The following CSMD1 variants were observed in gnomAD, a reference collection of about 807,000 sequenced individuals.
CSMD1 encodes the protein CUB and sushi domain-containing protein 1.
In CSMD1, 213 loss-of-function variants were observed where a neutral mutation model predicts 417.5. That is an observed-to-expected ratio of 0.51 (90% CI 0.46 to 0.57). The LOEUF (loss-of-function observed/expected upper bound fraction) is 0.57, where lower values mean the gene tolerates loss of function less well. CSMD1 is among the 20% of genes least tolerant of loss of function. CSMD1 has a pLI of 0.00. For synonymous variants in CSMD1, 2,862 were observed against 1,736.8 expected (o/e 1.65, Z -16.11); for missense variants, 6,923 against 4,529.7 (o/e 1.53, Z -15.17).
chr8:3,382,101 A>G (rs1466550424), intron 18 of CSMD1, among the ~76,000 whole-genome samples: 1 of 152,080 alleles, frequency 6.6e-6, no homozygotes, highest in Non-Finnish European at 1.5e-5. Flanking sequence ...CTACTAAAAA[A>G]TACAAAAATT....
At chr8:4,753,306 T>C (rs1811457990) in intron 1 of CSMD1, among the ~76,000 whole-genome samples, 1 of 152,028 alleles carries the variant, frequency 6.6e-6, no homozygotes, top group Admixed American at 6.6e-5. Context: ...TTGGAATACA[T>C]TTAAATGACC....
chr8:3,395,303 C>A (rs964745512), intron 17 of CSMD1, among the ~76,000 whole-genome samples: 1 of 152,250 alleles, frequency 6.6e-6, no homozygotes, highest in South Asian at 2.1e-4. Flanking sequence ...ATAGTAATTG[C>A]CACTTTTTCT....
rs963681086 is a variant in CSMD1 at position 4,543,243 on chromosome 8, G to A, written c.302+94099C>T. ...ACAAAGTCATGCATCCACCATTACA[G>A]AATCACATCTGACGGTGTGGACTGC... On this transcript the variant is annotated intron_variant, in intron 2 of 69. Transcript: ENST00000635120. Among the ~76,000 whole-genome samples, 4 of 152,122 alleles carry A rather than the reference G, an allele frequency of 2.6e-5. No individual in the cohort carries two copies. In the South Asian group the frequency reaches 6.2e-4, roughly 24 times the overall value.
At chr8:3,512,913 G>A (rs566694651) in intron 10 of CSMD1, among the ~76,000 whole-genome samples, 25 of 152,072 alleles carry the variant, frequency 1.6e-4, no homozygotes, top group Admixed American at 3.3e-4. Context: ...GGAGGAAGAT[G>A]TAACACGTGG....
At chr8:4,182,255 T>C (rs1798422128) in intron 3 of CSMD1, among the ~76,000 whole-genome samples, 2 of 152,146 alleles carry the variant, frequency 1.3e-5, no homozygotes, top group Admixed American at 6.6e-5. Context: ...GGAATATATC[T>C]AGATTATCGT....
intron 36 of CSMD1, among the ~76,000 whole-genome samples, chr8:3,184,614 C>G (rs1821631052): frequency 6.6e-6 from 1 of 152,186 alleles, no homozygotes; most frequent in Admixed American, 6.5e-5. Context: ...TTAAATAATG[C>G]TTGCACATTT....
At chr8:3,571,525 C>G (rs1003562048) in intron 10 of CSMD1, among the ~76,000 whole-genome samples, 2 of 152,088 alleles carry the variant, frequency 1.3e-5, no homozygotes, top group South Asian at 2.1e-4. Flanking sequence ...GCTCACCTGC[C>G]TCGAGTTTGA....
intron 6 of CSMD1, among the ~76,000 whole-genome samples, chr8:3,711,483 T>C (rs147403650): frequency 6.6e-6 from 1 of 152,194 alleles, no homozygotes; most frequent in South Asian, 2.1e-4. Context: ...CGCTGGTTCA[T>C]GAACGTCCTG....
intron 21 of CSMD1, among the ~76,000 whole-genome samples, chr8:3,355,180 C>G (rs12155723): frequency 0.18 from 27,011 of 151,584 alleles, 2,407 homozygotes; most frequent in Middle Eastern, 0.24. Flanking sequence ...GGATATATAT[C>G]TCACTTTCAT....
In CSMD1 at chr8:4,343,096, G is replaced by T. The variant is rs556652090; in HGVS notation, c.415+76857C>A. The stretch of plus-strand genomic sequence containing the variant: ...ATCACATGGTATCTCAGTGACCAAG[G>T]GATATGGGGTATTTTATAACTCTCC... On this transcript the variant is annotated intron_variant, in intron 3 of 69. Transcript: ENST00000635120. Among the ~76,000 whole-genome samples, 82 of 152,136 alleles carry T rather than the reference G, an allele frequency of 5.4e-4. 1 individual carries two copies. In the South Asian group the frequency reaches 0.017, roughly 31 times the overall value.
At chr8:4,169,542 A>C (rs1002169187) in intron 3 of CSMD1, among the ~76,000 whole-genome samples, 6 of 152,148 alleles carry the variant, frequency 3.9e-5, no homozygotes, top group East Asian at 1.9e-4. Context: ...GGCAGCCTCC[A>C]AACTCATGTT....
rs955912956 is a variant in CSMD1 at position 4,793,278 on chromosome 8, G to A, written c.86-155720C>T. 2.6e-5 allele frequency among the ~76,000 whole-genome samples: 4 copies of A among 151,976 alleles called. No homozygotes were observed. The South Asian group carries it at 6.2e-4, about 24-fold the overall frequency. ...GACCTAATCTATGTATTTGTTTTAG[G>A]CTGGAAAAATAGAACCTATTCTCTC... On this transcript the variant is annotated intron_variant, in intron 1 of 69. Coordinates refer to ENST00000635120, the MANE Select transcript of CSMD1 (RefSeq NM_033225.6).
At chr8:3,034,800 A>G (rs1196291928) in intron 50 of CSMD1, among the ~76,000 whole-genome samples, 1 of 152,222 alleles carries the variant, frequency 6.6e-6, no homozygotes, top group African/African-American at 2.4e-5. Flanking sequence ...TAAACATTAT[A>G]GACTAGGGAA....
intron 3 of CSMD1, among the ~76,000 whole-genome samples, chr8:4,239,741 G>A (rs1397931796): frequency 1.3e-5 from 2 of 152,112 alleles, no homozygotes; most frequent in Non-Finnish European, 2.9e-5. Context: ...AAAGGTGGGT[G>A]GTGGTTTCTT....
At chr8:3,131,392 A>T (rs1817784327) in intron 41 of CSMD1, among the ~76,000 whole-genome samples, 1 of 151,932 alleles carries the variant, frequency 6.6e-6, no homozygotes, top group African/African-American at 2.4e-5. Flanking sequence ...AAATAAAAAA[A>T]GAAATATCTG....
At chr8:4,889,620 T>A (rs936870022) in intron 1 of CSMD1, among the ~76,000 whole-genome samples, 16 of 152,128 alleles carry the variant, frequency 1.1e-4, no homozygotes. Flanking sequence ...ATGACTGGCT[T>A]AAGGTTACTG....
intron 57 of CSMD1, among the ~76,000 whole-genome samples, chr8:2,971,458 T>A (rs1435965458): frequency 6.6e-6 from 1 of 152,160 alleles, no homozygotes; most frequent in Admixed American, 6.5e-5. Context: ...TTGGGGGATG[T>A]TATTGCTGCT....
At chr8:4,761,836 C>CATCTATCTACCT in intron 1 of CSMD1, among the ~76,000 whole-genome samples, 1 of 119,190 alleles carries the variant, frequency 8.4e-6, no homozygotes, top group East Asian at 2.3e-4. Context: ...TAGTACCATG[C>CATCTATCTACCT]ATCTATCTAT....
chr8:3,712,214 G>T (rs1429987487), intron 6 of CSMD1, among the ~76,000 whole-genome samples: 1 of 152,154 alleles, frequency 6.6e-6, no homozygotes, highest in Admixed American at 6.5e-5. Flanking sequence ...GTACAAAAAG[G>T]GAAGGTGACT....
Sources: allele counts gnomAD v4.1 joint callset (sites outside exome capture counted in the v4.1 genomes callset), GRCh38; gene constraint gnomAD v4.1.1; transcripts MANE v1.5; gene names NCBI Gene and HGNC (gene_info 2026-07-23, HGNC 2026-07-21).